TENM4: variants seen among roughly 807,000 people sequenced by gnomAD.
The protein encoded by TENM4 is teneurin transmembrane protein 4.
In TENM4, 82 loss-of-function variants were observed where a neutral mutation model predicts 243.3. The observed-to-expected ratio is 0.34, with a 90% confidence interval of 0.28 to 0.40. The LOEUF (loss-of-function observed/expected upper bound fraction) is 0.40, where lower values mean the gene tolerates loss of function less well. Ranked by LOEUF, TENM4 falls within the 10% of genes least tolerant of loss-of-function variation. The pLI, the probability that TENM4 is intolerant of heterozygous loss-of-function variation, is 1.00. For missense variants in TENM4, 3,138 were observed against 3,673.3 expected (o/e 0.85, Z 3.77); for synonymous variants, 1,412 against 1,456.3 (o/e 0.97, Z 0.69).
intron 6 of TENM4, among the ~76,000 whole-genome samples, chr11:78,971,093 A>T (rs1378420901): frequency 6.6e-6 from 1 of 152,122 alleles, no homozygotes; most frequent in Non-Finnish European, 1.5e-5. Context: ...GCACAATCAC[A>T]GGGTACTGTG....
chr11:79,113,143 T>C (rs1215845683), intron 4 of TENM4, among the ~76,000 whole-genome samples: 1 of 152,030 alleles, frequency 6.6e-6, no homozygotes, highest in Admixed American at 6.6e-5. Flanking sequence ...CTACTCTTTG[T>C]TTTATCATCC....
intron 7 of TENM4, among the ~76,000 whole-genome samples, chr11:78,896,629 C>CA (rs1263166132): frequency 6.6e-6 from 1 of 152,114 alleles, no homozygotes; most frequent in African/African-American, 2.4e-5. Flanking sequence ...TCCAAAATGC[C>CA]AAGCTCTCTC....
intron 6 of TENM4, among the ~76,000 whole-genome samples, chr11:78,947,265 G>T (rs1565138822): frequency 6.6e-6 from 1 of 152,170 alleles, no homozygotes; most frequent in Admixed American, 6.5e-5. Flanking sequence ...ATAACCAAGA[G>T]GCTGAAGCTT....
intron 4 of TENM4, among the ~76,000 whole-genome samples, chr11:79,119,766 C>T (rs1267449693): frequency 1.3e-5 from 2 of 152,150 alleles, no homozygotes; most frequent in Admixed American, 6.5e-5. Context: ...ACTGGCAGCC[C>T]GCCCCTCTAC....
At chr11:78,935,392 C>T (rs1293855983) in intron 6 of TENM4, among the ~76,000 whole-genome samples, 1 of 152,170 alleles carries the variant, frequency 6.6e-6, no homozygotes, top group African/African-American at 2.4e-5. Context: ...TATTAAGTTC[C>T]AGGCACCTTT....
chr11:79,329,485 G>A (rs1857026956), intron 1 of TENM4, among the ~76,000 whole-genome samples: 3 of 152,206 alleles, frequency 2.0e-5, no homozygotes, highest in African/African-American at 7.2e-5. Context: ...AAGACATGAG[G>A]AGCTATGATA....
chr11:78,704,429 C>T (rs150112454), intron 27 of TENM4, among the ~76,000 whole-genome samples: 233 of 151,614 alleles, frequency 1.5e-3, no homozygotes, highest in African/African-American at 5.4e-3. Context: ...TGACAAAGAC[C>T]GAGAACCAAC....
At chr11:79,328,323 T>A (rs1311731615) in intron 1 of TENM4, among the ~76,000 whole-genome samples, 4 of 152,088 alleles carry the variant, frequency 2.6e-5, no homozygotes, top group Non-Finnish European at 5.9e-5. Context: ...CCAACCCATG[T>A]TTTTGGGTCT....
intron 6 of TENM4, among the ~76,000 whole-genome samples, chr11:78,919,356 A>G (rs1395838678): frequency 2.0e-5 from 3 of 152,080 alleles, no homozygotes; most frequent in Non-Finnish European, 2.9e-5. Flanking sequence ...ACAGAGGTAG[A>G]GCCAGGATCC....
chr11:78,881,475 C>A (rs369784637), intron 9 of TENM4, among the ~76,000 whole-genome samples: 7 of 152,156 alleles, frequency 4.6e-5, no homozygotes, highest in African/African-American at 1.4e-4. Flanking sequence ...TCAAGCAGCA[C>A]TCTCAGCTGG....
At chr11:78,926,275 CTTT>C (rs34301647) in intron 6 of TENM4, among the ~76,000 whole-genome samples, 7 of 127,316 alleles carry the variant, frequency 5.5e-5, no homozygotes, top group African/African-American at 2.9e-5. Flanking sequence ...AAAGAACTGA[CTTT>C]TTTTTTTTTT....
chr11:78,853,065 CT>C (rs199984307), intron 12 of TENM4, among the ~76,000 whole-genome samples: 1,526 of 152,246 alleles, frequency 0.01, 18 homozygotes, highest in African/African-American at 0.034. Flanking sequence ...GATTCAGAAA[CT>C]TTTATCAAAC....
intron 19 of TENM4, among the ~76,000 whole-genome samples, chr11:78,741,586 T>C (rs980926788): frequency 6.6e-6 from 1 of 152,218 alleles, no homozygotes; most frequent in African/African-American, 2.4e-5. Flanking sequence ...GTTTTTAATG[T>C]ACCTTATTTA....
intron 1 of TENM4, among the ~76,000 whole-genome samples, chr11:79,384,281 T>C (rs577413181): frequency 3.3e-5 from 5 of 152,224 alleles, no homozygotes; most frequent in African/African-American, 4.8e-5. Flanking sequence ...TTGATAGTAA[T>C]AACACGATGC....
At chr11:79,052,645 A>G (rs1215997723) in intron 6 of TENM4, among the ~76,000 whole-genome samples, 1 of 152,178 alleles carries the variant, frequency 6.6e-6, no homozygotes, top group Non-Finnish European at 1.5e-5. Context: ...CGAGGGAGGG[A>G]GGGAGGAAGA....
At chr11:78,977,921 A>G (rs1857701585) in intron 6 of TENM4, among the ~76,000 whole-genome samples, 1 of 152,200 alleles carries the variant, frequency 6.6e-6, no homozygotes, top group Admixed American at 6.5e-5. Flanking sequence ...TTATTGCAGC[A>G]CGGTTCACAA....
In TENM4 at chr11:78,670,358, C is replaced by G. The variant is rs777073450; in HGVS notation, c.5987G>C (p.Gly1996Ala). Residue 1996 changes from glycine to alanine, a missense_variant, in exon 32 of 34, where the codon GGG becomes GCG. By Grantham distance (60) the Gly-to-Ala change is moderately conservative (BLOSUM62 0). Transcript: ENST00000278550. ...CAGGTAGAAGGTGTGAAGGAGGTGC[C>G]CATCCTCAGTGAAGTCCTGTATGAC... is the stretch of plus-strand genomic sequence containing the variant. ...ASVIQDFTED[G>A]HLLHTFYLGT... 3 of 1,613,864 alleles carry G rather than the reference C, an allele frequency of 1.9e-6. No homozygotes were observed. The South Asian group carries it at 3.3e-5, about 18-fold the overall frequency.
At chr11:79,063,680 C>T (rs971308656) in intron 6 of TENM4, among the ~76,000 whole-genome samples, 2 of 152,192 alleles carry the variant, frequency 1.3e-5, no homozygotes, top group Non-Finnish European at 2.9e-5. Flanking sequence ...CGCAGGACCA[C>T]GTTCGACTCA....
At chr11:79,088,763 GTTTAT>G (rs1343920180) in intron 4 of TENM4, among the ~76,000 whole-genome samples, 14 of 152,264 alleles carry the variant, frequency 9.2e-5, no homozygotes, top group Non-Finnish European at 1.6e-4. Context: ...AGCATTATTT[GTTTAT>G]TCAGTCATCA....
Sources: gnomAD v4.1 joint callset for allele counts (sites outside exome capture counted in the v4.1 genomes callset) on GRCh38, gnomAD v4.1.1 for gene constraint, MANE v1.5 for transcripts, NCBI Gene and HGNC (gene_info 2026-07-23, HGNC 2026-07-21) for gene names.